Variants in RPS6KA3 observed in about 807,000 individuals in gnomAD.
RPS6KA3 encodes ribosomal protein S6 kinase A3.
A neutral mutation model predicts 67.2 loss-of-function variants in RPS6KA3; 4 were observed. That is an observed-to-expected ratio of 0.06 (90% CI 0.03 to 0.14). The LOEUF (loss-of-function observed/expected upper bound fraction) is 0.14, where lower values mean the gene tolerates loss of function less well. RPS6KA3 is among the 10% of genes least tolerant of loss of function. RPS6KA3 has a pLI of 1.00. For synonymous variants in RPS6KA3, 182 were observed against 183.7 expected (o/e 0.99, Z 0.07); for missense variants, 204 against 559.0 (o/e 0.36, Z 6.40).
chrX:20,259,810 C>G (rs1284885761), intron 1 of RPS6KA3, among the ~76,000 whole-genome samples: 2 of 111,483 alleles, frequency 1.8e-5, no homozygotes, highest in African/African-American at 6.5e-5. Flanking sequence ...TTATTTAATG[C>G]CACATTTCCC....
chrX:20,188,096 CAG>C lies in RPS6KA3; in HGVS notation c.632-128_632-127del, dbSNP rs1308720970. On this transcript the variant is annotated intron_variant, in intron 8 of 21. Transcript: ENST00000379565. ...TTTTTTGTTTGTTTGTTTTTTGAGA[CAG>C]AGTCTCGCTCTGTCACCCAGGCTGG... is the stretch of plus-strand genomic sequence containing the variant. 13 of 630,230 alleles carry C rather than the reference CAG, an allele frequency of 2.1e-5. No individual in the cohort carries two copies. In the African/African-American group the frequency reaches 2.9e-4, roughly 14 times the overall value. The allele number at this position is 630,230 out of a possible 1,213,427, so 51.9% of individuals were successfully genotyped here.
intron 10 of RPS6KA3, among the ~76,000 whole-genome samples, chrX:20,182,852 C>T (rs1352355598): frequency 2.7e-5 from 3 of 111,620 alleles, no homozygotes; most frequent in Non-Finnish European, 5.6e-5. Flanking sequence ...CTTCACATCC[C>T]ACCATTTTGT....
At chrX:20,231,899 C>T (rs957276008) in intron 2 of RPS6KA3, among the ~76,000 whole-genome samples, 1 of 111,255 alleles carries the variant, frequency 9.0e-6, no homozygotes, top group South Asian at 3.8e-4. Context: ...AGGAACCTCC[C>T]CGAGAGCCAT....
chrX:20,207,045 G>C (rs1459813317), intron 3 of RPS6KA3, among the ~76,000 whole-genome samples: 1 of 112,052 alleles, frequency 8.9e-6, no homozygotes, highest in Non-Finnish European at 1.9e-5. Context: ...ACGCTGAAAG[G>C]TTATGGAGGG....
chrX:20,199,186 G>A (rs969308078), intron 4 of RPS6KA3, among the ~76,000 whole-genome samples: 2 of 111,290 alleles, frequency 1.8e-5, no homozygotes, highest in Admixed American at 1.9e-4. Context: ...CTATCTTTTA[G>A]AGATATATAC....
intron 2 of RPS6KA3, among the ~76,000 whole-genome samples, chrX:20,223,056 CTTAAT>C (rs1425718495): frequency 8.9e-6 from 1 of 111,757 alleles, no homozygotes; most frequent in Non-Finnish European, 1.9e-5. Flanking sequence ...AATATTGTCA[CTTAAT>C]TTTTCTTCCT....
chrX:20,155,666 T>A, intron 21 of RPS6KA3, 146 bp from the exon 22 acceptor site: 1 of 703,061 alleles, frequency 1.4e-6, no homozygotes. Context: ...TCAAATCCAC[T>A]GACTTAACCA....
intron 5 of RPS6KA3, among the ~76,000 whole-genome samples, 199 bp downstream of exon 5, chrX:20,194,865 AT>A (rs1362605701): frequency 7.2e-5 from 8 of 111,599 alleles, no homozygotes; most frequent in African/African-American, 2.0e-4. Context: ...ACTTTATAAT[AT>A]TTAAAAAAAA....
chrX:20,233,569 T>G (rs2069327866), intron 2 of RPS6KA3, among the ~76,000 whole-genome samples: 1 of 109,547 alleles, frequency 9.1e-6, no homozygotes, highest in African/African-American at 3.3e-5. Context: ...CAAGACCCCA[T>G]CTGTACAAAA....
chrX:20,213,944 T>TAA (rs200281745), intron 2 of RPS6KA3, among the ~76,000 whole-genome samples: 1 of 104,594 alleles, frequency 9.6e-6, no homozygotes, highest in African/African-American at 3.5e-5. Context: ...TGAGGGGACT[T>TAA]AAAAAAAAAA....
chrX:20,162,564 C>T (rs758915424), intron 19 of RPS6KA3, among the ~76,000 whole-genome samples: 7 of 109,622 alleles, frequency 6.4e-5, no homozygotes, highest in Non-Finnish European at 1.1e-4. Flanking sequence ...CCTACATAGG[C>T]CAGGTACAGT....
intron 1 of RPS6KA3, among the ~76,000 whole-genome samples, chrX:20,250,668 T>C (rs2069839850): frequency 8.9e-6 from 1 of 112,466 alleles, no homozygotes; most frequent in Non-Finnish European, 1.9e-5. Context: ...CCTTTTAATA[T>C]GGTAGGCTAC....
In RPS6KA3 at chrX:20,229,140, C is replaced by A. The variant is rs189895630; in HGVS notation, c.126+5618G>T. Among the ~76,000 whole-genome samples the A allele has an allele frequency of 1.8e-3, 193 of 110,217 alleles. 2 individuals carry two copies. Among genetic ancestry groups the A allele is most frequent in the African/African-American group, 6.2e-3 (188 of 30,254 alleles). ...CCTTTTTTTTTTTCCCCTCACAGAGCAGTCCATAGGTTAAGAGCATACTTT... is the reference window on the plus strand; with the variant it reads ...CCTTTTTTTTTTTCCCCTCACAGAGAAGTCCATAGGTTAAGAGCATACTTT... On this transcript the variant is annotated intron_variant, in intron 2 of 21. Transcript: ENST00000379565.
chrX:20,200,754 C>T (rs2068409069), intron 4 of RPS6KA3, among the ~76,000 whole-genome samples: 1 of 111,365 alleles, frequency 9.0e-6, no homozygotes, highest in African/African-American at 3.3e-5. Context: ...GTGGTGCAAT[C>T]AAAGCTCACT....
chrX:20,181,926 G>A (rs952040857), intron 10 of RPS6KA3, among the ~76,000 whole-genome samples: 1 of 112,269 alleles, frequency 8.9e-6, no homozygotes, highest in African/African-American at 3.2e-5. Flanking sequence ...GTCAAAGAAG[G>A]ATTTAGTTTC....
intron 20 of RPS6KA3, among the ~76,000 whole-genome samples, chrX:20,159,340 G>A (rs2067256363): frequency 8.9e-6 from 1 of 112,295 alleles, no homozygotes; most frequent in Non-Finnish European, 1.9e-5. Flanking sequence ...CTCAGTAAAT[G>A]CCAGCTCTAG....
intron 2 of RPS6KA3, among the ~76,000 whole-genome samples, chrX:20,210,839 G>T (rs999791234): frequency 1.8e-5 from 2 of 110,679 alleles, no homozygotes; most frequent in African/African-American, 6.6e-5. Context: ...GTAGAACCAA[G>T]CATTAGCTGA....
At chrX:20,192,532 C>T (rs992508849) in intron 7 of RPS6KA3, among the ~76,000 whole-genome samples, 4 of 104,753 alleles carry the variant, frequency 3.8e-5, no homozygotes, top group Admixed American at 2.1e-4. Flanking sequence ...AAGAAAAAAA[C>T]GTGCATAAAT....
At chrX:20,233,683 TGATGTTACAGTGA>T (rs1245862415) in intron 2 of RPS6KA3, among the ~76,000 whole-genome samples, 1 of 110,202 alleles carries the variant, frequency 9.1e-6, no homozygotes, top group Non-Finnish European at 1.9e-5. Flanking sequence ...CCCAGGAGTT[TGATGTTACAGTGA>T]GTCATGACTC....
Sources: gnomAD v4.1 joint callset for allele counts (sites outside exome capture counted in the v4.1 genomes callset) on GRCh38, gnomAD v4.1.1 for gene constraint, MANE v1.5 for transcripts, NCBI Gene and HGNC (gene_info 2026-07-23, HGNC 2026-07-21) for gene names.